Variants in DHRSX observed in about 807,000 individuals in gnomAD.
DHRSX encodes the protein dehydrogenase/reductase X-linked, also known as polyprenol dehydrogenase.
DHRSX carries 31 observed loss-of-function variants against 34.0 expected under a neutral mutation model. That is an observed-to-expected ratio of 0.91 (90% CI 0.69 to 1.23). DHRSX has a LOEUF of 1.23. Among genes scored for constraint, DHRSX ranks in the 50% most tolerant of loss-of-function variants. The probability of loss-of-function intolerance (pLI) is 0.00; values close to 1 mark genes in which losing one functional copy is unlikely to be tolerated. For synonymous variants in DHRSX, 201 were observed against 183.8 expected, an observed-to-expected ratio of 1.09 and a Z score of -0.76; for missense variants, 414 against 428.1, an observed-to-expected ratio of 0.97 and a Z score of 0.29.
At chrX:2,446,180 A>G (rs1157031673) in intron 1 of DHRSX, among the ~76,000 whole-genome samples, 1 of 151,880 alleles carries the variant, frequency 6.6e-6, no homozygotes, top group Non-Finnish European at 1.5e-5. Context: ...GACATTCCCT[A>G]AGAATGTGGC....
At chrX:2,316,634 C>G (rs2042244559) in intron 3 of DHRSX, among the ~76,000 whole-genome samples, 1 of 152,136 alleles carries the variant, frequency 6.6e-6, no homozygotes, top group Non-Finnish European at 1.5e-5. Context: ...AGAAGAATTA[C>G]TCATTCATCT....
At position 2,425,179 on chromosome X, in the gene DHRSX, A is replaced by C; in HGVS notation, c.217+18T>G. On this transcript the variant is annotated intron_variant, in intron 2 of 6. Coordinates refer to ENST00000334651, the MANE Select transcript of DHRSX (RefSeq NM_145177.3). ...AACCGAAAAAACAAAAAACACAAGTAACTGTAAAAGTCATCACCTATGATA... is the reference window on the plus strand; with the variant it reads ...AACCGAAAAAACAAAAAACACAAGTCACTGTAAAAGTCATCACCTATGATA... 6.4e-7 allele frequency: 1 copy of C among 1,570,198 alleles called. No individual in the cohort carries two copies. The highest frequency in any genetic ancestry group is 2.2e-5 in the East Asian group (1 of 44,704).
intron 3 of DHRSX, among the ~76,000 whole-genome samples, chrX:2,389,102 A>T (rs1238266552): frequency 2.6e-5 from 4 of 152,198 alleles, no homozygotes. Flanking sequence ...AGACGAATAC[A>T]CGGACCAGAG....
At chrX:2,289,644 G>A (rs1372611421) in intron 4 of DHRSX, among the ~76,000 whole-genome samples, 5 of 152,198 alleles carry the variant, frequency 3.3e-5, no homozygotes, top group East Asian at 1.9e-4. Flanking sequence ...ACGTCGGGTC[G>A]TGTAGGATCT....
intron 3 of DHRSX, among the ~76,000 whole-genome samples, chrX:2,333,823 A>G (rs1031092397): frequency 1.3e-5 from 2 of 152,078 alleles, no homozygotes; most frequent in East Asian, 1.9e-4. Context: ...TGAACTTCCA[A>G]TTATAAGTGA....
At chrX:2,349,840 C>T (rs1369574330) in intron 3 of DHRSX, among the ~76,000 whole-genome samples, 2 of 146,762 alleles carry the variant, frequency 1.4e-5, no homozygotes, top group African/African-American at 5.0e-5. Context: ...AGATCGAGAC[C>T]ATCCTGGCTA....
At chrX:2,355,378 G>A (rs2042836211) in intron 3 of DHRSX, among the ~76,000 whole-genome samples, 1 of 151,830 alleles carries the variant, frequency 6.6e-6, no homozygotes, top group Admixed American at 6.6e-5. Flanking sequence ...TATGCGTTGT[G>A]GCGCATGCCT....
At chrX:2,331,305 A>G (rs1041999670) in intron 3 of DHRSX, among the ~76,000 whole-genome samples, 3 of 151,920 alleles carry the variant, frequency 2.0e-5, no homozygotes, top group African/African-American at 7.2e-5. Context: ...AACCCCCTCA[A>G]TGTCATTCAT....
chrX:2,479,269 T>C lies in DHRSX; in HGVS notation c.109+21548A>G, dbSNP rs181268255. On this transcript the variant is annotated intron_variant, in intron 1 of 6. Transcript: ENST00000334651. ...TAAGGGACCACCACCATGTACACAC[T>C]GAAGACATTCCCTAAGCATGTGGCC... 1.3e-4 allele frequency among the ~76,000 whole-genome samples: 20 copies of C among 150,356 alleles called. No homozygotes were observed. The East Asian group carries it at 3.6e-3, about 27-fold the overall frequency.
intron 6 of DHRSX, among the ~76,000 whole-genome samples, chrX:2,233,688 G>A (rs1034976595): frequency 6.6e-6 from 1 of 151,986 alleles, no homozygotes; most frequent in Non-Finnish European, 1.5e-5. Context: ...CAAAGGAAGA[G>A]AATTTCAGAA....
At chrX:2,311,829 T>C (rs2042168850) in intron 3 of DHRSX, among the ~76,000 whole-genome samples, 1 of 152,160 alleles carries the variant, frequency 6.6e-6, no homozygotes, top group Non-Finnish European at 1.5e-5. Flanking sequence ...AGGTTGCTAA[T>C]GAGCGTCGAT....
At chrX:2,414,705 T>C (rs1336878307) in intron 2 of DHRSX, among the ~76,000 whole-genome samples, 3 of 151,642 alleles carry the variant, frequency 2.0e-5, no homozygotes, top group Non-Finnish European at 4.4e-5. Flanking sequence ...GCAACACAAC[T>C]AGACTGCATC....
chrX:2,369,592 G>T (rs2043033573), intron 3 of DHRSX, among the ~76,000 whole-genome samples: 1 of 152,198 alleles, frequency 6.6e-6, no homozygotes, highest in South Asian at 2.1e-4. Context: ...CATCTCCCAG[G>T]TTCAAACGAT....
chrX:2,370,787 A>G (rs2043048581), intron 3 of DHRSX, among the ~76,000 whole-genome samples: 1 of 151,974 alleles, frequency 6.6e-6, no homozygotes, highest in African/African-American at 2.4e-5. Context: ...CTCTCCTCCT[A>G]TCAGGCCCCG....
At chrX:2,490,827 G>A in intron 1 of DHRSX, 1 of 1,469,640 alleles carries the variant, frequency 6.8e-7, no homozygotes. Context: ...ACGCACGGGA[G>A]CCCTGCCGGG....
At chrX:2,469,153 T>C (rs965304431) in intron 1 of DHRSX, among the ~76,000 whole-genome samples, 11 of 151,742 alleles carry the variant, frequency 7.2e-5, no homozygotes, top group African/African-American at 2.4e-4. Flanking sequence ...ACCACCACCA[T>C]GTACACACCG....
chrX:2,309,605 A>G (rs1265858533), intron 3 of DHRSX, among the ~76,000 whole-genome samples: 4 of 152,126 alleles, frequency 2.6e-5, no homozygotes, highest in Admixed American at 1.3e-4. Flanking sequence ...TTGTAACCCA[A>G]CTGGGCTAAT....
At chrX:2,310,584 G>C (rs1162373452) in intron 3 of DHRSX, among the ~76,000 whole-genome samples, 1 of 151,476 alleles carries the variant, frequency 6.6e-6, no homozygotes, top group Non-Finnish European at 1.5e-5. Context: ...GAGAGGGAGA[G>C]AGAGAGAAAA....
chrX:2,276,004 C>T (rs1479552445), intron 4 of DHRSX, among the ~76,000 whole-genome samples: 1 of 152,006 alleles, frequency 6.6e-6, no homozygotes, highest in South Asian at 2.1e-4. Flanking sequence ...CTACTATGCC[C>T]AGCTAATTTC....
Sources: gnomAD v4.1 joint callset for allele counts (sites outside exome capture counted in the v4.1 genomes callset) on GRCh38, gnomAD v4.1.1 for gene constraint, MANE v1.5 for transcripts, NCBI Gene and HGNC (gene_info 2026-07-23, HGNC 2026-07-21) for gene names.